Variants in CP observed in about 807,000 individuals in gnomAD.
CP encodes ceruloplasmin.
Under a neutral mutation model 122.4 loss-of-function variants are expected in CP, and 64 were observed. That is an observed-to-expected ratio of 0.52 (90% confidence interval 0.43 to 0.64). The LOEUF is 0.64. Ranked by LOEUF, CP falls within the 30% of genes least tolerant of loss-of-function variation. The probability of loss-of-function intolerance (pLI) is 0.00; values close to 1 mark genes in which losing one functional copy is unlikely to be tolerated. For synonymous variants in CP, 440 were observed against 436.4 expected (o/e 1.01, Z -0.10); for missense variants, 1,167 against 1,284.4 (o/e 0.91, Z 1.40).
Position 149,173,484 on chromosome 3 carries a change from T to G in CP, c.*230A>C, listed in dbSNP as rs1458412246. On this transcript the variant is annotated 3_prime_UTR_variant, in exon 19 of 19. Coordinates refer to ENST00000264613, the MANE Select transcript of CP (RefSeq NM_000096.4). ...ATATCATTAGACTGTATGAATCAGTTTTATTACCTAGTGTACAAGTGTCAG... is the reference window on the plus strand; with the variant it reads ...ATATCATTAGACTGTATGAATCAGTGTTATTACCTAGTGTACAAGTGTCAG... 2 of 379,190 alleles carry G rather than the reference T, an allele frequency of 5.3e-6. No homozygotes were observed. Among genetic ancestry groups the G allele is most frequent in the Non-Finnish European group, 9.9e-6 (2 of 202,506 alleles). 23.5% of individuals were successfully genotyped at this position (379,190 alleles called of 1,614,324 possible).
At chr3:149,164,340 G>T (rs576496018) in intron 5 of CP, among the ~76,000 whole-genome samples, 1 of 152,264 alleles carries the variant, frequency 6.6e-6, no homozygotes, top group African/African-American at 2.4e-5. Flanking sequence ...CCCAAGCCAG[G>T]CACTGCTATT....
At chr3:149,177,723 G>A in intron 17 of CP, 117 bp downstream of exon 17, 2 of 1,048,586 alleles carry the variant, frequency 1.9e-6, no homozygotes, top group Non-Finnish European at 1.5e-6. Flanking sequence ...CGGATATGAA[G>A]CACCGGCTGT....
chr3:149,198,525 A>C lies in CP; in HGVS notation c.1555T>G (p.Trp519Gly). Reference protein sequence around the residue: ...VAPTETFTYEWTVPKEVGPTN... With the variant: ...VAPTETFTYEGTVPKEVGPTN... The stretch of plus-strand genomic sequence containing the variant: ...GGTCCTACTTCTTTGGGGACAGTCC[A>C]TTCATAGGTGAATGTTTCTGTGGGT... Residue 519 changes from tryptophan (W) to glycine (G), a missense_variant, in exon 9 of 19, where the codon TGG becomes GGG. Transcript: ENST00000264613. 6.2e-7 allele frequency: 1 copy of C among 1,614,164 alleles called. No homozygotes were observed. The highest frequency in any genetic ancestry group is 8.5e-7 in the Non-Finnish European group (1 of 1,180,016).
intron 17 of CP, 28 bp from the exon 18 acceptor site, chr3:149,176,440 A>G: frequency 6.7e-7 from 1 of 1,500,436 alleles, no homozygotes; most frequent in Non-Finnish European, 9.3e-7. Flanking sequence ...CAAATAATGT[A>G]TAATATTGTA....
intron 5 of CP, among the ~76,000 whole-genome samples, chr3:149,165,296 T>G (rs1437671091): frequency 2.0e-5 from 3 of 152,200 alleles, no homozygotes; most frequent in Admixed American, 1.3e-4. Flanking sequence ...TATTAAATTT[T>G]CCCTGATAAA....
At chr3:149,175,377 C>T (rs1445851569) in intron 18 of CP, among the ~76,000 whole-genome samples, 2 of 151,974 alleles carry the variant, frequency 1.3e-5, no homozygotes, top group Admixed American at 1.3e-4. Context: ...TTGTGTAAGA[C>T]CCAGGAGCAG....
chr3:149,165,116 T>C (rs1724282373), intron 5 of CP, among the ~76,000 whole-genome samples: 1 of 152,196 alleles, frequency 6.6e-6, no homozygotes, highest in African/African-American at 2.4e-5. Flanking sequence ...CTAGTACTAT[T>C]GTGATACAAA....
intron 5 of CP, 27 bp from the exon 6 acceptor site, chr3:149,206,366 A>G: frequency 6.2e-7 from 1 of 1,613,186 alleles, no homozygotes; most frequent in South Asian, 1.1e-5. Context: ...AGAGGCATTG[A>G]TTAATGAAGA....
chr3:149,216,635 C>T (rs898235270), intron 1 of CP, among the ~76,000 whole-genome samples: 9 of 152,200 alleles, frequency 5.9e-5, no homozygotes, highest in Admixed American at 3.3e-4. Context: ...CAAAAATTAA[C>T]TGCTGCAAGA....
At chr3:149,166,952 G>C (rs888984373) in intron 4 of CP, 15 of 1,083,230 alleles carry the variant, frequency 1.4e-5, no homozygotes, top group Non-Finnish European at 2.0e-5. Context: ...GTGAGGTTTA[G>C]TCTTAAGAAA....
intron 10 of CP, among the ~76,000 whole-genome samples, chr3:149,187,181 G>GT (rs1219127728): frequency 2.0e-4 from 30 of 152,038 alleles, no homozygotes; most frequent in Non-Finnish European, 3.7e-4. Context: ...TATGTAGGAG[G>GT]TTTTTTCTTT....
At chr3:149,196,537 G>T (rs1438936900) in intron 9 of CP, among the ~76,000 whole-genome samples, 1 of 152,146 alleles carries the variant, frequency 6.6e-6, no homozygotes, top group Non-Finnish European at 1.5e-5. Flanking sequence ...CTCCGAAAAT[G>T]TGCAAAATGA....
In CP at chr3:149,194,980, T is replaced by C. The variant is rs140518039; in HGVS notation, c.1713+3387A>G. 3.1e-3 allele frequency among the ~76,000 whole-genome samples: 467 copies of C among 152,270 alleles called. 4 individuals are homozygous for C. The highest frequency in any genetic ancestry group is 0.01 in the African/African-American group (426 of 41,564). On this transcript the variant is annotated intron_variant, in intron 9 of 18. Transcript: ENST00000264613. ...AAGAATAAAGACCAGCAGAACAGCA[T>C]AGAAAATCTAGAAATAGACTCACTT...
At position 149,163,859 on chromosome 3, in the gene CP, T is replaced by A; in HGVS notation, c.*14-984A>T. ...TGTTTTAGATAAATGCCTGTAGTCA[T>A]TATGGCTTAATTTATCCATGGGTTC... On this transcript the variant is annotated intron_variant, in intron 5 of 5. Coordinates refer to the CP transcript ENST00000479771. The A allele has an allele frequency of 6.4e-7, 1 of 1,560,758 alleles. No individual in the cohort carries two copies. Among genetic ancestry groups the A allele is most frequent in the Non-Finnish European group, 8.8e-7 (1 of 1,131,380 alleles).
chr3:149,208,125 TA>T (rs1727866697), intron 4 of CP, among the ~76,000 whole-genome samples: 1 of 152,072 alleles, frequency 6.6e-6, no homozygotes, highest in South Asian at 2.1e-4. Flanking sequence ...ACAAAATTTT[TA>T]AGATTGGAAG....
At chr3:149,193,995 T>G (rs930701250) in intron 9 of CP, among the ~76,000 whole-genome samples, 2 of 152,220 alleles carry the variant, frequency 1.3e-5, no homozygotes, top group Non-Finnish European at 2.9e-5. Flanking sequence ...AAGGTAAATC[T>G]CATTTTAAAT....
At chr3:149,188,490 CAAAAAA>C (rs60815739) in intron 9 of CP, among the ~76,000 whole-genome samples, 5,201 of 46,256 alleles carry the variant, frequency 0.11, 462 homozygotes, top group African/African-American at 0.28. Flanking sequence ...TTGAAGCCTC[CAAAAAA>C]AAAAAAAAAA....
chr3:149,168,096 A>G, downstream of CP: 1 of 715,950 alleles, frequency 1.4e-6, no homozygotes, highest in Non-Finnish European at 2.6e-6. Flanking sequence ...GGCCTTTCAG[A>G]ACCATCTGGG....
chr3:149,168,708 T>C (rs1407848846), downstream of CP, among the ~76,000 whole-genome samples: 3 of 152,176 alleles, frequency 2.0e-5, no homozygotes, highest in Non-Finnish European at 4.4e-5. Context: ...ATGCTTGTGA[T>C]TGGGAAGGGA....
Sources: allele counts gnomAD v4.1 joint callset (sites outside exome capture counted in the v4.1 genomes callset), GRCh38; gene constraint gnomAD v4.1.1; transcripts MANE v1.5; gene names NCBI Gene and HGNC (gene_info 2026-07-23, HGNC 2026-07-21).